The following ADCY8 variants were observed in gnomAD, a reference collection of about 807,000 sequenced individuals.
ADCY8 encodes adenylate cyclase type 8.
In ADCY8, 51 loss-of-function variants were observed where a neutral mutation model predicts 119.7. The observed-to-expected ratio is 0.43, with a 90% CI of 0.34 to 0.54. The LOEUF (loss-of-function observed/expected upper bound fraction) is 0.54, where lower values mean the gene tolerates loss of function less well. Ranked by LOEUF, ADCY8 falls within the 20% of genes least tolerant of loss-of-function variation. The probability of loss-of-function intolerance (pLI) is 0.03; values close to 1 mark genes in which losing one functional copy is unlikely to be tolerated. For missense variants in ADCY8, 1,383 were observed against 1,598.8 expected (o/e 0.87, Z 2.30); for synonymous variants, 665 against 651.0 (o/e 1.02, Z -0.33).
At position 130,963,736 on chromosome 8, in the gene ADCY8, A is replaced by T. The variant is rs142028160; in HGVS notation, c.1111-11738T>A. Among the ~76,000 whole-genome samples the T allele has an allele frequency of 7.1e-3, 1,086 of 152,252 alleles. 17 individuals are homozygous for T. Among genetic ancestry groups the T allele is most frequent in the African/African-American group, 0.024 (1,007 of 41,548 alleles). ...ATGTGGGAAGGCAACTCAGTTACTT[A>T]GGATTGATTGGCTGTTCTATCAGCA... On this transcript the variant is annotated intron_variant, in intron 2 of 17. Transcript: ENST00000286355.
intron 1 of ADCY8, among the ~76,000 whole-genome samples, chr8:131,022,413 G>A (rs916422779): frequency 3.3e-5 from 5 of 152,092 alleles, no homozygotes; most frequent in African/African-American, 9.7e-5. Flanking sequence ...GAGAATGAAG[G>A]TTTCCAGCTT....
chr8:131,028,548 G>GAA (rs375330238), intron 1 of ADCY8, among the ~76,000 whole-genome samples: 6 of 141,948 alleles, frequency 4.2e-5, no homozygotes, highest in Admixed American at 1.4e-4. Context: ...CTAATTAGCA[G>GAA]AAAAAAAAAA....
rs1818081569 is a variant in ADCY8 at position 130,865,410 on chromosome 8, T to C, written c.2210+2436A>G. ...CTAAGTTTTTCTAATTTTGGTTAGG[T>C]TGTTATTTCATGTCTTGAACAACAT... On this transcript the variant is annotated intron_variant, in intron 9 of 17. Coordinates refer to ENST00000286355, the MANE Select transcript of ADCY8 (RefSeq NM_001115.3). 5.3e-5 allele frequency among the ~76,000 whole-genome samples: 8 copies of C among 152,202 alleles called. No individual in the cohort carries two copies. In the South Asian group the frequency reaches 1.7e-3, roughly 32 times the overall value.
chr8:130,928,753 TC>T (rs1820544288), intron 5 of ADCY8, among the ~76,000 whole-genome samples: 1 of 152,220 alleles, frequency 6.6e-6, no homozygotes, highest in African/African-American at 2.4e-5. Flanking sequence ...TCTGTAATTT[TC>T]TTTTTTCTAG....
chr8:130,983,635 G>C (rs1263273043), intron 2 of ADCY8, among the ~76,000 whole-genome samples: 2 of 152,170 alleles, frequency 1.3e-5, no homozygotes, highest in South Asian at 4.1e-4. Flanking sequence ...AATGGGCTGT[G>C]ATGCAGGGTA....
At chr8:130,953,047 T>C (rs1821320890) in intron 2 of ADCY8, among the ~76,000 whole-genome samples, 1 of 152,198 alleles carries the variant, frequency 6.6e-6, no homozygotes, top group African/African-American at 2.4e-5. Flanking sequence ...ACTAGCAACA[T>C]GAATTAAATT....
intron 1 of ADCY8, among the ~76,000 whole-genome samples, chr8:131,030,890 G>A (rs1375539870): frequency 6.6e-6 from 1 of 152,156 alleles, no homozygotes; most frequent in Non-Finnish European, 1.5e-5. Flanking sequence ...AGATCCCAGG[G>A]GAGCTCCTCA....
chr8:130,825,048 T>C (rs781431397), intron 12 of ADCY8, among the ~76,000 whole-genome samples: 11 of 152,212 alleles, frequency 7.2e-5, no homozygotes, highest in Non-Finnish European at 1.2e-4. Flanking sequence ...TTGATTCTTT[T>C]TAATTTTATT....
Position 130,867,901 on chromosome 8 carries a change from C to T in ADCY8, c.2155G>A (p.Ala719Thr). 6.2e-7 allele frequency: 1 copy of T among 1,611,894 alleles called. No homozygotes were observed. Among genetic ancestry groups the T allele is most frequent in the African/African-American group, 1.3e-5 (1 of 74,974 alleles). ...GTGATAAATAGAAGAACGATAAATG[C>T]ACAGACCAAGTTTGACTTGAACACT... is the stretch of plus-strand genomic sequence containing the variant. ...DEVFKSNLVC[A>T]FIVLLFITAI... Residue 719 changes from alanine to threonine, a missense_variant, in exon 9 of 18, where the codon GCA (alanine) becomes ACA (threonine). Ala to Thr is a moderately conservative substitution (Grantham distance 58). Coordinates refer to ENST00000286355, the MANE Select transcript of ADCY8 (RefSeq NM_001115.3).
chr8:131,012,048 C>G (rs769112290), intron 1 of ADCY8, among the ~76,000 whole-genome samples: 2 of 152,188 alleles, frequency 1.3e-5, no homozygotes, highest in Non-Finnish European at 2.9e-5. Flanking sequence ...TTTGGGGAGC[C>G]TGGCATCTCA....
chr8:131,001,432 G>C (rs545134151), intron 1 of ADCY8, among the ~76,000 whole-genome samples: 128 of 152,060 alleles, frequency 8.4e-4, no homozygotes, highest in Non-Finnish European at 1.4e-3. Flanking sequence ...GTTTAGGCAA[G>C]TCACTTTATG....
chr8:130,799,425 T>G (rs187205007), intron 15 of ADCY8, among the ~76,000 whole-genome samples: 72 of 152,314 alleles, frequency 4.7e-4, no homozygotes, highest in Non-Finnish European at 9.0e-4. Flanking sequence ...AGGACTTCAC[T>G]GGACTCAGAA....
intron 14 of ADCY8, among the ~76,000 whole-genome samples, chr8:130,812,898 A>G (rs1253533192): frequency 1.3e-5 from 2 of 151,510 alleles, no homozygotes; most frequent in African/African-American, 2.4e-5. Context: ...CATATATTTT[A>G]TTATTTTTAA....
At chr8:130,867,346 T>C (rs1463153082) in intron 9 of ADCY8, among the ~76,000 whole-genome samples, 1 of 152,202 alleles carries the variant, frequency 6.6e-6, no homozygotes, top group African/African-American at 2.4e-5. Flanking sequence ...TTCCCTCCTC[T>C]TTAAAATGAG....
At chr8:130,837,881 T>C (rs149228829) in intron 11 of ADCY8, among the ~76,000 whole-genome samples, 191 of 152,330 alleles carry the variant, frequency 1.3e-3, no homozygotes, top group African/African-American at 4.4e-3. Context: ...AAGTAAATTG[T>C]CCAAGATCTC....
chr8:130,902,384 T>C (rs1396218169), intron 7 of ADCY8, among the ~76,000 whole-genome samples: 3 of 152,296 alleles, frequency 2.0e-5, no homozygotes, highest in African/African-American at 7.2e-5. Flanking sequence ...ACCTAGGCAT[T>C]GCAATCAGTT....
intron 13 of ADCY8, among the ~76,000 whole-genome samples, chr8:130,820,668 A>G (rs544931766): frequency 6.6e-6 from 1 of 152,338 alleles, no homozygotes; most frequent in South Asian, 2.1e-4. Context: ...AGACTGGACC[A>G]GAGCTGGGAT....
intron 5 of ADCY8, among the ~76,000 whole-genome samples, chr8:130,911,103 G>GA (rs1410939820): frequency 6.6e-6 from 1 of 151,912 alleles, no homozygotes; most frequent in African/African-American, 2.4e-5. Flanking sequence ...GCATATATTT[G>GA]AAAAAAACAC....
chr8:130,821,176 CA>C (rs1816497146), intron 13 of ADCY8, among the ~76,000 whole-genome samples, 165 bp downstream of exon 13: 1 of 152,180 alleles, frequency 6.6e-6, no homozygotes, highest in African/African-American at 2.4e-5. Flanking sequence ...AGATCTTCTC[CA>C]GCTTTGTTTT....
Sources: gnomAD v4.1 joint callset for allele counts (sites outside exome capture counted in the v4.1 genomes callset) on GRCh38, gnomAD v4.1.1 for gene constraint, MANE v1.5 for transcripts, NCBI Gene and HGNC (gene_info 2026-07-23, HGNC 2026-07-21) for gene names.